The following ASTN2 variants were observed in gnomAD, a reference collection of about 807,000 sequenced individuals.
ASTN2 encodes the protein astrotactin-2.
Under a neutral mutation model 139.8 loss-of-function variants are expected in ASTN2, and 54 were observed. The ratio of observed to expected loss-of-function variants is 0.39; its 90% CI spans 0.31 to 0.48. The LOEUF (loss-of-function observed/expected upper bound fraction) is 0.48, where lower values mean the gene tolerates loss of function less well. Ranked by LOEUF, ASTN2 falls within the 20% of genes least tolerant of loss-of-function variation. ASTN2 has a pLI of 0.95. For synonymous variants in ASTN2, 756 were observed against 719.5 expected (o/e 1.05, Z -0.81); for missense variants, 1,565 against 1,725.1 (o/e 0.91, Z 1.64).
At chr9:116,510,435 G>A (rs1564330234) in intron 19 of ASTN2, among the ~76,000 whole-genome samples, 1 of 152,092 alleles carries the variant, frequency 6.6e-6, no homozygotes, top group African/African-American at 2.4e-5. Context: ...ATCAGGTAGC[G>A]TGATGCCTCC....
chr9:116,854,933 T>C (rs1588356332), intron 11 of ASTN2, among the ~76,000 whole-genome samples: 2 of 151,944 alleles, frequency 1.3e-5, no homozygotes, highest in Admixed American at 1.3e-4. Flanking sequence ...ATTACAGGTT[T>C]GAGCCACCGC....
intron 10 of ASTN2, among the ~76,000 whole-genome samples, chr9:116,955,752 G>T (rs1254394245): frequency 6.6e-6 from 1 of 152,222 alleles, no homozygotes; most frequent in Non-Finnish European, 1.5e-5. Flanking sequence ...TCTATAAAAT[G>T]GGGCCAGTGT....
rs893377167 is a variant in ASTN2 at position 117,024,406 on chromosome 9, GT to G, written c.1423+15412del. ...GAACGGTATTAGATGTCTCAGAATT[GT>G]TTTTTTTTAAAAAGTTATTGTTAAA... On this transcript the variant is annotated intron_variant, in intron 6 of 22. Coordinates refer to ENST00000313400, the MANE Select transcript of ASTN2 (RefSeq NM_001365068.1). Among the ~76,000 whole-genome samples, 586 of 143,886 alleles carry G rather than the reference GT, an allele frequency of 4.1e-3. 5 individuals are homozygous for G. The highest frequency in any genetic ancestry group is 0.014 in the African/African-American group (511 of 36,696). The allele number at this position is 143,886 out of a possible 152,430, so 94.4% of individuals were successfully genotyped here. A position where few individuals can be genotyped will look rare whatever the true frequency, so the allele number is the denominator to read the frequency against.
At chr9:116,862,605 A>C (rs1482131070) in intron 11 of ASTN2, among the ~76,000 whole-genome samples, 2 of 152,212 alleles carry the variant, frequency 1.3e-5, no homozygotes, top group Non-Finnish European at 2.9e-5. Flanking sequence ...GTTCTGAGGC[A>C]TGAAACATGC....
chr9:116,854,936 G>A (rs1387415247), intron 11 of ASTN2, among the ~76,000 whole-genome samples: 1 of 151,668 alleles, frequency 6.6e-6, no homozygotes, highest in African/African-American at 2.4e-5. Context: ...ACAGGTTTGA[G>A]CCACCGCGCC....
intron 20 of ASTN2, among the ~76,000 whole-genome samples, chr9:116,477,186 C>T (rs1849008088): frequency 6.6e-6 from 1 of 152,192 alleles, no homozygotes; most frequent in Non-Finnish European, 1.5e-5. Context: ...AGGAGCCTCA[C>T]TGTCTGTCGG....
chr9:116,965,795 G>A (rs1488843804), intron 10 of ASTN2, among the ~76,000 whole-genome samples: 10 of 152,288 alleles, frequency 6.6e-5, no homozygotes, highest in Admixed American at 5.2e-4. Flanking sequence ...GAGAAGCCAT[G>A]GAATGATGAA....
intron 19 of ASTN2, among the ~76,000 whole-genome samples, chr9:116,560,167 A>T (rs1453259650): frequency 6.6e-6 from 1 of 152,206 alleles, no homozygotes; most frequent in East Asian, 1.9e-4. Context: ...TGTGACTTAC[A>T]CATTTCTTTG....
At chr9:117,108,937 G>T (rs1426195340) in intron 4 of ASTN2, among the ~76,000 whole-genome samples, 1 of 152,100 alleles carries the variant, frequency 6.6e-6, no homozygotes, top group Admixed American at 6.6e-5. Context: ...TTGTACTTGA[G>T]AATCATAATC....
At chr9:116,758,081 T>C (rs1829581308) in intron 13 of ASTN2, among the ~76,000 whole-genome samples, 1 of 152,150 alleles carries the variant, frequency 6.6e-6, no homozygotes, top group Non-Finnish European at 1.5e-5. Flanking sequence ...TGTGCCTCAG[T>C]TTCCTCCCCT....
chr9:116,436,621 G>T (rs1049912982), intron 22 of ASTN2, among the ~76,000 whole-genome samples: 1 of 152,160 alleles, frequency 6.6e-6, no homozygotes, highest in Non-Finnish European at 1.5e-5. Flanking sequence ...AACCATTAGG[G>T]TGTGACAGAG....
rs545392345 is a variant in ASTN2 at position 117,124,244 on chromosome 9, G to A, written c.1168+17082C>T. On this transcript the variant is annotated intron_variant, in intron 4 of 22. Coordinates refer to ENST00000313400, the MANE Select transcript of ASTN2 (RefSeq NM_001365068.1). ...GCCACTAACTCATGGTAAAAAAGTT[G>A]CTTTCCCTCTCTGTGCCTCAGTTTT... Among the ~76,000 whole-genome samples the A allele has an allele frequency of 5.3e-5, 8 of 152,180 alleles. No homozygotes were observed. The South Asian group carries it at 1.7e-3, about 32-fold the overall frequency.
At chr9:117,242,952 A>G (rs1564500085) in intron 2 of ASTN2, among the ~76,000 whole-genome samples, 1 of 152,210 alleles carries the variant, frequency 6.6e-6, no homozygotes. Context: ...CATTCATTCA[A>G]TAAATATTAA....
At chr9:116,941,900 G>A (rs1835241358) in intron 10 of ASTN2, among the ~76,000 whole-genome samples, 1 of 151,246 alleles carries the variant, frequency 6.6e-6, no homozygotes, top group Non-Finnish European at 1.5e-5. Flanking sequence ...GACGACATGA[G>A]CAGAGAGGTA....
At chr9:117,013,511 G>T (rs1469227049) in intron 6 of ASTN2, among the ~76,000 whole-genome samples, 5 of 149,412 alleles carry the variant, frequency 3.3e-5, no homozygotes, top group African/African-American at 1.2e-4. Context: ...CCACTTACTT[G>T]TGGGAATATA....
chr9:117,383,245 T>C (rs1830316547), intron 1 of ASTN2, among the ~76,000 whole-genome samples: 1 of 152,184 alleles, frequency 6.6e-6, no homozygotes, highest in Non-Finnish European at 1.5e-5. Flanking sequence ...ATGAGCCATA[T>C]TTTGCTCACA....
At chr9:117,151,499 G>C (rs1470808648) in intron 3 of ASTN2, among the ~76,000 whole-genome samples, 1 of 152,170 alleles carries the variant, frequency 6.6e-6, no homozygotes, top group Non-Finnish European at 1.5e-5. Context: ...ACACTGTTTA[G>C]TGGAAGAGGG....
intron 4 of ASTN2, among the ~76,000 whole-genome samples, chr9:117,115,812 T>G (rs1232443605): frequency 1.3e-5 from 2 of 152,062 alleles, no homozygotes; most frequent in African/African-American, 4.8e-5. Flanking sequence ...GATCACGAAG[T>G]CAGGAGATCG....
intron 2 of ASTN2, among the ~76,000 whole-genome samples, chr9:117,225,574 T>TATATAA: frequency 1.3e-5 from 1 of 77,988 alleles, no homozygotes; most frequent in Non-Finnish European, 2.6e-5. Context: ...TATATATATA[T>TATATAA]ACAGATGAAC....
Sources: gnomAD v4.1 joint callset for allele counts (sites outside exome capture counted in the v4.1 genomes callset) on GRCh38, gnomAD v4.1.1 for gene constraint, MANE v1.5 for transcripts, NCBI Gene and HGNC (gene_info 2026-07-23, HGNC 2026-07-21) for gene names.